Variants in ADGRG4 observed in about 807,000 individuals in gnomAD.
ADGRG4 encodes the protein G protein-coupled receptor 112.
In ADGRG4, 122 loss-of-function variants were observed where a neutral mutation model predicts 126.2. The observed-to-expected ratio is 0.97, with a 90% CI of 0.83 to 1.12. ADGRG4 has a LOEUF of 1.12. Ranked by LOEUF, ADGRG4 falls within the 50% of genes most tolerant of loss-of-function variation. The probability of loss-of-function intolerance (pLI) is 0.00; values close to 1 mark genes in which losing one functional copy is unlikely to be tolerated. For synonymous variants in ADGRG4, 943 were observed against 838.7 expected (o/e 1.12, Z -2.15); for missense variants, 2,481 against 2,251.8 (o/e 1.10, Z -2.06).
chrX:136,352,143 T>G (rs1304981427), intron 7 of ADGRG4, among the ~76,000 whole-genome samples: 1 of 111,925 alleles, frequency 8.9e-6, no homozygotes, highest in Non-Finnish European at 1.9e-5. Flanking sequence ...ATAACATTGA[T>G]GCATGTGTGT....
intron 5 of ADGRG4, among the ~76,000 whole-genome samples, chrX:136,339,573 T>G (rs758525698): frequency 3.6e-5 from 4 of 112,417 alleles, no homozygotes; most frequent in Non-Finnish European, 5.6e-5. Context: ...GACTGACTTC[T>G]GTTTCTAGGT....
intron 16 of ADGRG4, among the ~76,000 whole-genome samples, chrX:136,388,694 T>C (rs1439208251): frequency 8.9e-6 from 1 of 112,131 alleles, no homozygotes; most frequent in Non-Finnish European, 1.9e-5. Context: ...CTGTCTCATC[T>C]AGCTATTGGG....
rs73637919 is a variant in ADGRG4 at position 136,387,923 on chromosome X, A to G, written c.7911+49A>G. On this transcript the variant is annotated intron_variant, in intron 16 of 25. Coordinates refer to ENST00000394143, the MANE Select transcript of ADGRG4 (RefSeq NM_153834.4). Reference sequence around the variant, plus strand: ...GTGATGAACTGGCATATGGTGACTCATTGTAATTATGAACTCTTGCTATTT... The same window carrying G: ...GTGATGAACTGGCATATGGTGACTCGTTGTAATTATGAACTCTTGCTATTT... 1,460 of 1,074,070 alleles carry G rather than the reference A, an allele frequency of 1.4e-3. 18 individuals carry two copies. In the African/African-American group the frequency reaches 0.024, roughly 18 times the overall value. The allele number at this position is 1,074,070 out of a possible 1,213,427, so 88.5% of individuals were successfully genotyped here.
chrX:136,322,374 G>A (rs756325779), intron 4 of ADGRG4, among the ~76,000 whole-genome samples: 36 of 111,470 alleles, frequency 3.2e-4, no homozygotes, highest in Non-Finnish European at 5.1e-4. Context: ...TTAGGTGGGC[G>A]GAAATAGTTC....
chrX:136,345,616 G>T lies in ADGRG4; in HGVS notation c.1910G>T (p.Gly637Val). ...SASTSKAPES[G>V]PTSTTDEAAH... Reference sequence around the variant, plus strand: ...TCCACATCCAAGGCACCTGAGTCAGGTCCCACATCCACAACTGATGAAGCT... The same window carrying T: ...TCCACATCCAAGGCACCTGAGTCAGTTCCCACATCCACAACTGATGAAGCT... Residue 637 changes from glycine to valine, a missense_variant, in exon 6 of 26, where the codon GGT (glycine) becomes GTT (valine). By Grantham distance (109) the Gly-to-Val change is moderately radical. Transcript: ENST00000394143. 1 of 1,210,859 alleles carries T rather than the reference G, an allele frequency of 8.3e-7. No homozygotes were observed. The highest frequency in any genetic ancestry group is 1.1e-6 in the Non-Finnish European group (1 of 895,096).
chrX:136,346,797 G>A lies in ADGRG4; in HGVS notation c.3091G>A (p.Val1031Ile). Reference protein sequence around the residue: ...GSSVVAEETEVTMSEPSTLAR... With the variant: ...GSSVVAEETEITMSEPSTLAR... Reference sequence around the variant, plus strand: ...TTCTGTGGTGGCTGAGGAGACTGAGGTTACCATGTCTGAGCCTTCTACACT... The same window carrying A: ...TTCTGTGGTGGCTGAGGAGACTGAGATTACCATGTCTGAGCCTTCTACACT... The change falls in exon 6 of 26, where the codon GTT becomes ATT. Residue 1031 changes from valine to isoleucine, a missense_variant. By Grantham distance (29) the Val-to-Ile change is conservative. Coordinates refer to ENST00000394143, the MANE Select transcript of ADGRG4 (RefSeq NM_153834.4). 1 of 1,211,288 alleles carries A rather than the reference G, an allele frequency of 8.3e-7. No individual in the cohort carries two copies. Among genetic ancestry groups the A allele is most frequent in the Non-Finnish European group, 1.1e-6 (1 of 895,181 alleles).
At chrX:136,343,843 A>G (rs2074994195) in intron 5 of ADGRG4, among the ~76,000 whole-genome samples, 3 of 111,727 alleles carry the variant, frequency 2.7e-5, no homozygotes, top group Admixed American at 1.9e-4. Context: ...TCCTCATATT[A>G]TAGAGGAGGA....
At chrX:136,356,728 T>G (rs2075095966) in intron 9 of ADGRG4, among the ~76,000 whole-genome samples, 2 of 112,301 alleles carry the variant, frequency 1.8e-5, no homozygotes, top group African/African-American at 6.5e-5. Context: ...CCAGAAGCAG[T>G]GACTCACACC....
In ADGRG4 at chrX:136,416,813, A is replaced by C. The variant is rs1240008480; in HGVS notation, c.*322A>C. 1 of 167,072 alleles carries C rather than the reference A, an allele frequency of 6.0e-6. No individual in the cohort carries two copies. The highest frequency in any genetic ancestry group is 1.1e-5 in the Non-Finnish European group (1 of 89,373). The allele number at this position is 167,072 out of a possible 1,213,427, so 13.8% of individuals were successfully genotyped here. A position where few individuals can be genotyped will look rare whatever the true frequency, so the allele number is the denominator to read the frequency against. ...TTGAATTTGTGAAACAATCTGCTCCAACCTTCTATTTTAATTATTATTTTG... is the reference window on the plus strand; with the variant it reads ...TTGAATTTGTGAAACAATCTGCTCCCACCTTCTATTTTAATTATTATTTTG... On this transcript the variant is annotated 3_prime_UTR_variant, in exon 26 of 26. Coordinates refer to ENST00000394143, the MANE Select transcript of ADGRG4 (RefSeq NM_153834.4).
intron 4 of ADGRG4, among the ~76,000 whole-genome samples, chrX:136,311,161 T>C (rs1273808414): frequency 2.7e-5 from 3 of 110,709 alleles, no homozygotes; most frequent in African/African-American, 9.9e-5. Flanking sequence ...GGGCTCCACC[T>C]TCATGCCCTC....
chrX:136,415,741 G>T (rs778034397), intron 25 of ADGRG4, among the ~76,000 whole-genome samples: 5 of 111,656 alleles, frequency 4.5e-5, no homozygotes, highest in Non-Finnish European at 9.4e-5. Context: ...TTTTCAAGAG[G>T]GTTATTTAGC....
In ADGRG4 at chrX:136,304,032, C is replaced by A. The variant is rs1233283370; in HGVS notation, c.-253-101C>A. ...GATGGCTCATAACATCCCGTGATAG[C>A]CTTTTCTGGTGCTTATCAATTCCTA... On this transcript the variant is annotated intron_variant, in intron 1 of 25. Coordinates refer to ENST00000394143, the MANE Select transcript of ADGRG4 (RefSeq NM_153834.4). The A allele has an allele frequency of 1.6e-4, 18 of 110,995 alleles. No homozygotes were observed. In the Admixed American group the frequency reaches 1.7e-3, roughly 11 times the overall value. 9.1% of individuals were successfully genotyped at this position (110,995 alleles called of 1,213,427 possible).
At chrX:136,356,610 T>C (rs2148473772) in intron 9 of ADGRG4, among the ~76,000 whole-genome samples, 1 of 112,115 alleles carries the variant, frequency 8.9e-6, no homozygotes, top group African/African-American at 3.2e-5. Flanking sequence ...CTCAAAGCTT[T>C]ACAATAGCAC....
At chrX:136,372,212 A>T in intron 14 of ADGRG4, among the ~76,000 whole-genome samples, 1 of 111,831 alleles carries the variant, frequency 8.9e-6, no homozygotes, top group Admixed American at 9.5e-5. Flanking sequence ...ACTCGAGAAC[A>T]GTACTAGTTA....
intron 4 of ADGRG4, among the ~76,000 whole-genome samples, chrX:136,320,073 A>G (rs1222908923): frequency 9.0e-6 from 1 of 111,570 alleles, no homozygotes; most frequent in Non-Finnish European, 1.9e-5. Flanking sequence ...TATAACTCCT[A>G]TTTCACACAA....
chrX:136,408,996 A>G (rs1483223839), intron 23 of ADGRG4, among the ~76,000 whole-genome samples: 1 of 108,005 alleles, frequency 9.3e-6, no homozygotes, highest in Non-Finnish European at 1.9e-5. Flanking sequence ...GCAAGATAGC[A>G]TGTGCCATCT....
chrX:136,359,798 T>C (rs944170983), intron 11 of ADGRG4, among the ~76,000 whole-genome samples: 4 of 111,657 alleles, frequency 3.6e-5, no homozygotes, highest in African/African-American at 1.3e-4. Context: ...AATAGATACT[T>C]GCTAATTTAT....
intron 13 of ADGRG4, among the ~76,000 whole-genome samples, chrX:136,364,196 T>C (rs1341354156): frequency 9.0e-6 from 1 of 111,354 alleles, no homozygotes; most frequent in Non-Finnish European, 1.9e-5. Context: ...CTGACTTCAA[T>C]ACTCAAAAAA....
chrX:136,385,119 A>G (rs151085759), intron 15 of ADGRG4, among the ~76,000 whole-genome samples: 1,902 of 111,315 alleles, frequency 0.017, 36 homozygotes, highest in African/African-American at 0.058. Flanking sequence ...TAATCATTTC[A>G]CTATCTATTC....
Sources: allele counts gnomAD v4.1 joint callset (sites outside exome capture counted in the v4.1 genomes callset), GRCh38; gene constraint gnomAD v4.1.1; transcripts MANE v1.5; gene names NCBI Gene and HGNC (gene_info 2026-07-23, HGNC 2026-07-21).